TTBK1: variants seen among roughly 807,000 people sequenced by gnomAD.
TTBK1 encodes tau tubulin kinase 1, also known as tau-tubulin kinase 1.
A neutral mutation model predicts 108.5 loss-of-function variants in TTBK1; 34 were observed. The observed-to-expected ratio is 0.31, with a 90% CI of 0.24 to 0.42. The LOEUF (loss-of-function observed/expected upper bound fraction) is 0.42, where lower values mean the gene tolerates loss of function less well. TTBK1 is among the 10% of genes least tolerant of loss of function. The probability of loss-of-function intolerance (pLI) is 1.00; values close to 1 mark genes in which losing one functional copy is unlikely to be tolerated. For missense variants in TTBK1, 1,539 were observed against 1,826.0 expected, an observed-to-expected ratio of 0.84 and a Z score of 2.86; for synonymous variants, 809 against 795.1, an observed-to-expected ratio of 1.02 and a Z score of -0.29.
At chr6:43,258,319 A>G (rs146754593) in intron 10 of TTBK1, among the ~76,000 whole-genome samples, 10 of 152,202 alleles carry the variant, frequency 6.6e-5, no homozygotes, top group East Asian at 5.8e-4. Context: ...CCTGCCCCCA[A>G]AGCACTCTCA....
chr6:43,266,983 A>C (rs114449725), intron 13 of TTBK1, among the ~76,000 whole-genome samples: 1 of 149,566 alleles, frequency 6.7e-6, no homozygotes, highest in Non-Finnish European at 1.5e-5. Context: ...AGGATCAGAG[A>C]GAGCCTGGAG....
At chr6:43,270,389 C>T (rs988380581) in intron 13 of TTBK1, 4 of 994,024 alleles carry the variant, frequency 4.0e-6, no homozygotes, top group Non-Finnish European at 4.8e-6. Flanking sequence ...GAGGGGCTGG[C>T]GGGAGGCCAA....
Position 43,262,804 on chromosome 6 carries a change from G to T in TTBK1, c.1440G>T (p.Leu480=). Residue 480 remains leucine, a synonymous_variant, in exon 13 of 15, where the codon CTG becomes CTT. Coordinates refer to ENST00000259750, the MANE Select transcript of TTBK1 (RefSeq NM_032538.3). Reference sequence around the variant, plus strand: ...GGCTTTGCAGGTCACGGATGGATCTGCCTGGCTCGCCCTCGCGCCAGGCCT... The same window carrying T: ...GGCTTTGCAGGTCACGGATGGATCTTCCTGGCTCGCCCTCGCGCCAGGCCT... ...ELPERRSRMD[L]PGSPSRQACS... is the part of the protein sequence containing the mutation. 6.4e-7 allele frequency: 1 copy of T among 1,573,882 alleles called. No individual in the cohort carries two copies. Among genetic ancestry groups the T allele is most frequent in the Non-Finnish European group, 8.6e-7 (1 of 1,156,376 alleles).
chr6:43,277,637 G>A (rs1206345006), intron 13 of TTBK1, among the ~76,000 whole-genome samples: 1 of 152,202 alleles, frequency 6.6e-6, no homozygotes, highest in Admixed American at 6.5e-5. Flanking sequence ...CCACGTTCCC[G>A]GGTCATCTTA....
chr6:43,246,654 C>G lies in TTBK1; in HGVS notation c.-7C>G. 6.3e-7 allele frequency: 1 copy of G among 1,592,276 alleles called. No homozygotes were observed. The highest frequency in any genetic ancestry group is 1.1e-5 in the South Asian group (1 of 87,920). Reference sequence around the variant, plus strand: ...GCCCGGCGGACACCCCTCCCTCTGGCTGGCGGATGCAGTGCCTAGCGGCCG... The same window carrying G: ...GCCCGGCGGACACCCCTCCCTCTGGGTGGCGGATGCAGTGCCTAGCGGCCG... On this transcript the variant is annotated 5_prime_UTR_variant, in exon 2 of 15. Transcript: ENST00000259750.
rs1204814881 is a variant in TTBK1 at position 43,282,033 on chromosome 6, G to T, written c.1987-694G>T. Among the ~76,000 whole-genome samples the T allele has an allele frequency of 6.6e-6, 1 of 152,256 alleles. No individual in the cohort carries two copies. The highest frequency in any genetic ancestry group is 1.5e-5 in the Non-Finnish European group (1 of 68,044). On this transcript the variant is annotated intron_variant, in intron 13 of 14. Transcript: ENST00000259750. The surrounding 1 kb of genome is among the most constrained non-coding windows in gnomAD (Gnocchi z 5.4). ...AAACTTTGAAGAGGAAAATGGAATG[G>T]AGCTCAAGTATACCTGTCGAGGGCT...
In TTBK1 at chr6:43,285,158, C is replaced by G. The variant is rs773192425; in HGVS notation, c.3748C>G (p.Arg1250Gly). Residue 1250 changes from arginine to glycine, a missense_variant, in exon 15 of 15, where the codon CGG becomes GGG. Physicochemically the swap from Arg to Gly is moderately radical, Grantham distance 125 (BLOSUM62 -2). Coordinates refer to ENST00000259750, the MANE Select transcript of TTBK1 (RefSeq NM_032538.3). The surrounding 1 kb of genome is among the most constrained non-coding windows in gnomAD (Gnocchi z 4.7). ...CGCGCGCAATGCCAGCGCGTCCCCC[C>G]GGAGCCAGTCCCTGTCCCGCAGAGA... ...SAARNASASP[R>G]SQSLSRRESP... 2.1e-6 allele frequency: 3 copies of G among 1,419,254 alleles called. No homozygotes were observed. Among genetic ancestry groups the G allele is most frequent in the Non-Finnish European group, 2.7e-6 (3 of 1,094,918 alleles). 87.9% of individuals were successfully genotyped at this position (1,419,254 alleles called of 1,614,324 possible). A position where few individuals can be genotyped will look rare whatever the true frequency, so the allele number is the denominator to read the frequency against.
chr6:43,255,541 C>G lies in TTBK1; in HGVS notation c.643-11C>G. The G allele has an allele frequency of 6.3e-7, 1 of 1,590,152 alleles. No homozygotes were observed. ...TGAGAGCTGCAGGTGACTCCCTCCC[C>G]CCACCTCCAGGAGATGGGCCGCCAC... On this transcript the variant is annotated splice_polypyrimidine_tract_variant and intron_variant, in intron 7 of 14. Transcript: ENST00000259750.
Position 43,259,475 on chromosome 6 carries a change from C to A in TTBK1, c.1249-56C>A. The A allele has an allele frequency of 6.7e-7, 1 of 1,498,370 alleles. No individual in the cohort carries two copies. 92.8% of individuals were successfully genotyped at this position (1,498,370 alleles called of 1,614,324 possible). A position where few individuals can be genotyped will look rare whatever the true frequency, so the allele number is the denominator to read the frequency against. On this transcript the variant is annotated intron_variant, in intron 11 of 14. Coordinates refer to ENST00000259750, the MANE Select transcript of TTBK1 (RefSeq NM_032538.3). The surrounding 1 kb of genome is among the most constrained non-coding windows in gnomAD (Gnocchi z 6.7). ...TCTGTCTCCTTCACCCTGAGGAGAC[C>A]ATCCGCCCACAGCCGCCTCATCAGC...
intron 13 of TTBK1, chr6:43,272,477 C>A (rs1777860255): frequency 2.0e-6 from 2 of 985,456 alleles, no homozygotes; most frequent in Non-Finnish European, 1.2e-6. Flanking sequence ...ACACACCCCC[C>A]ACCTCAGAAC....
At chr6:43,271,575 C>T in intron 13 of TTBK1, 2 of 985,294 alleles carry the variant, frequency 2.0e-6, no homozygotes, top group Non-Finnish European at 2.4e-6. Context: ...CCCCAGATGT[C>T]TCTGGTTAGA....
intron 13 of TTBK1, among the ~76,000 whole-genome samples, chr6:43,267,194 A>G (rs940022512): frequency 3.3e-5 from 5 of 152,138 alleles, no homozygotes; most frequent in Admixed American, 6.5e-5. Context: ...AGCGGGGTGA[A>G]GCAGAGATCT....
chr6:43,275,842 C>G (rs1777969070), intron 13 of TTBK1, among the ~76,000 whole-genome samples: 1 of 151,974 alleles, frequency 6.6e-6, no homozygotes, highest in Non-Finnish European at 1.5e-5. Flanking sequence ...CATCTGCTTC[C>G]TTTGCACTTG....
At chr6:43,281,244 C>T (rs368340400) in intron 13 of TTBK1, among the ~76,000 whole-genome samples, 161 of 152,028 alleles carry the variant, frequency 1.1e-3, no homozygotes, top group African/African-American at 3.6e-3. Flanking sequence ...GGCGTGGTGG[C>T]GGGCACCTGT....
At position 43,285,785 on chromosome 6, in the gene TTBK1, C is replaced by T. The variant is rs991864636; in HGVS notation, c.*409C>T. 6.3e-6 allele frequency: 1 copy of T among 157,928 alleles called. No individual in the cohort carries two copies. The highest frequency in any genetic ancestry group is 6.5e-5 in the Admixed American group (1 of 15,410). The allele number at this position is 157,928 out of a possible 1,614,324, so 9.8% of individuals were successfully genotyped here. On this transcript the variant is annotated 3_prime_UTR_variant, in exon 15 of 15. Coordinates refer to ENST00000259750, the MANE Select transcript of TTBK1 (RefSeq NM_032538.3). This position sits in a 1 kb window ranked among gnomAD's most constrained non-coding sequence, Gnocchi z 4.7. ...TCCATGCTCCCCCAGCAATCTCTGC[C>T]TACACCTCCTGCGGCGCCTTGCCCT...
At chr6:43,264,457 G>A (rs970771797) in intron 13 of TTBK1, among the ~76,000 whole-genome samples, 2 of 152,158 alleles carry the variant, frequency 1.3e-5, no homozygotes, top group African/African-American at 2.4e-5. Flanking sequence ...GTAGGCACCT[G>A]AGGCTCAGGA....
intron 5 of TTBK1, 44 bp from the exon 6 acceptor site, chr6:43,254,502 GC>G (rs766280849): frequency 7.0e-7 from 1 of 1,429,304 alleles, no homozygotes. Context: ...AGGTGGCCCA[GC>G]TGGGGTTGGG....
rs1000054612 is a variant in TTBK1, at chr6:43,287,905, C to G, written c.*2529C>G. The G allele has an allele frequency of 6.6e-6, 1 of 152,652 alleles. No homozygotes were observed. Among genetic ancestry groups the G allele is most frequent in the Non-Finnish European group, 1.5e-5 (1 of 68,308 alleles). 9.5% of individuals were successfully genotyped at this position (152,652 alleles called of 1,614,324 possible). A position where few individuals can be genotyped will look rare whatever the true frequency, so the allele number is the denominator to read the frequency against. ...ACATGCCTTCCCTCCCCAGCCACACCGTGCACGAAGGGGGCACAGGAGAGG... is the reference window on the plus strand; with the variant it reads ...ACATGCCTTCCCTCCCCAGCCACACGGTGCACGAAGGGGGCACAGGAGAGG... On this transcript the variant is annotated 3_prime_UTR_variant, in exon 15 of 15. Transcript: ENST00000259750. The surrounding 1 kb of genome is among the most constrained non-coding windows in gnomAD (Gnocchi z 4.1).
Position 43,246,834 on chromosome 6 carries a change from G to A in TTBK1, c.108+66G>A, listed in dbSNP as rs188389651. 101 of 1,324,344 alleles carry A rather than the reference G, an allele frequency of 7.6e-5. No individual in the cohort carries two copies. In the East Asian group the frequency reaches 2.4e-3, roughly 32 times the overall value. The allele number at this position is 1,324,344 out of a possible 1,614,324, so 82.0% of individuals were successfully genotyped here. A position where few individuals can be genotyped will look rare whatever the true frequency, so the allele number is the denominator to read the frequency against. On this transcript the variant is annotated intron_variant, in intron 2 of 14. Transcript: ENST00000259750. ...GAGGGAGGCGAGGACCTGGAGACTT[G>A]TTAAAACCGGTGCCCTCCGCTCCCC...
Sources: allele counts gnomAD v4.1 joint callset (sites outside exome capture counted in the v4.1 genomes callset), GRCh38; gene constraint gnomAD v4.1.1; non-coding constraint Gnocchi (gnomAD v3.1); transcripts MANE v1.5; gene names NCBI Gene and HGNC (gene_info 2026-07-23, HGNC 2026-07-21).